CD96: variants seen among roughly 807,000 people sequenced by gnomAD.
The protein encoded by CD96 is T-cell surface protein tactile.
A neutral mutation model predicts 71.3 loss-of-function variants in CD96; 70 were observed. The observed-to-expected ratio is 0.98, with a 90% confidence interval of 0.81 to 1.20. The LOEUF (loss-of-function observed/expected upper bound fraction) is 1.20. Ranked by LOEUF, CD96 falls within the 50% of genes most tolerant of loss-of-function variation. The pLI is 0.00. For missense variants in CD96, 742 were observed against 677.5 expected (o/e 1.10, Z -1.06); for synonymous variants, 248 against 233.0 (o/e 1.06, Z -0.59).
At chr3:111,605,572 A>G (rs987930906) in intron 7 of CD96, among the ~76,000 whole-genome samples, 1 of 152,208 alleles carries the variant, frequency 6.6e-6, no homozygotes, top group Non-Finnish European at 1.5e-5. Context: ...TAACCTATTC[A>G]TATACTTCCC....
In CD96 at chr3:111,558,971, C is replaced by A. The variant is rs561429078; in HGVS notation, c.419-8552C>A. On this transcript the variant is annotated intron_variant, in intron 2 of 13. Coordinates refer to ENST00000352690, the MANE Select transcript of CD96 (RefSeq NM_005816.5). ...GTGTCAAGGAATTTATCCATTTCTT[C>A]TAGATTTTCCAGTTTATTTGCATAG... Among the ~76,000 whole-genome samples the A allele has an allele frequency of 2.2e-4, 34 of 152,274 alleles. 1 individual carries two copies. In the East Asian group the frequency reaches 5.2e-3, roughly 23 times the overall value.
At chr3:111,544,289 C>T (rs543787567) in intron 1 of CD96, among the ~76,000 whole-genome samples, 53 of 152,214 alleles carry the variant, frequency 3.5e-4, no homozygotes, top group Non-Finnish European at 5.7e-4. Flanking sequence ...GGACTACAGG[C>T]GTGCACCACC....
At chr3:111,658,360 G>A (rs1940281186) in intron 14 of CD96, among the ~76,000 whole-genome samples, 1 of 152,190 alleles carries the variant, frequency 6.6e-6, no homozygotes, top group Non-Finnish European at 1.5e-5. Flanking sequence ...GTCAGAGAGA[G>A]ACAGAGAGAG....
At position 111,576,640 on chromosome 3, in the gene CD96, G is replaced by A. The variant is rs1169568507; in HGVS notation, c.544-2387G>A. Among the ~76,000 whole-genome samples, 4 of 151,982 alleles carry A rather than the reference G, an allele frequency of 2.6e-5. No homozygotes were observed. In the East Asian group the frequency reaches 7.7e-4, roughly 29 times the overall value. On this transcript the variant is annotated intron_variant, in intron 3 of 13. Transcript: ENST00000352690. ...ATAACTCTTACTTTGTGTGATCTTT[G>A]ATCAAATTTTTAACCTCAATTTATT...
At chr3:111,664,683 G>A (rs948210875) in intron 14 of CD96, among the ~76,000 whole-genome samples, 1 of 152,052 alleles carries the variant, frequency 6.6e-6, no homozygotes, top group African/African-American at 2.4e-5. Flanking sequence ...CAAAAAAAAG[G>A]TATATTAAAA....
At chr3:111,619,987 AC>A (rs1938441003) in intron 8 of CD96, among the ~76,000 whole-genome samples, 1 of 152,128 alleles carries the variant, frequency 6.6e-6, no homozygotes, top group African/African-American at 2.4e-5. Flanking sequence ...TGGAAAAAAC[AC>A]CCCTGAGGGC....
chr3:111,572,669 G>A (rs1301514777), intron 3 of CD96, among the ~76,000 whole-genome samples: 1 of 152,140 alleles, frequency 6.6e-6, no homozygotes, highest in Non-Finnish European at 1.5e-5. Context: ...AAGGCCTTCT[G>A]CCCCAAGTGA....
intron 10 of CD96, among the ~76,000 whole-genome samples, chr3:111,629,206 G>T (rs572745411): frequency 6.6e-6 from 1 of 152,320 alleles, no homozygotes; most frequent in East Asian, 1.9e-4. Flanking sequence ...CCAATTAAAA[G>T]ACACAGAATG....
At chr3:111,574,956 T>C (rs1936158477) in intron 3 of CD96, among the ~76,000 whole-genome samples, 1 of 151,786 alleles carries the variant, frequency 6.6e-6, no homozygotes, top group Non-Finnish European at 1.5e-5. Flanking sequence ...GCTAACTTTT[T>C]TTTTTTTTTG....
At chr3:111,544,926 G>T in intron 1 of CD96, 120 bp from the exon 2 acceptor site, 1 of 813,890 alleles carries the variant, frequency 1.2e-6, no homozygotes, top group East Asian at 2.4e-5. Flanking sequence ...TATTCCTAAA[G>T]CAGCCAGGGA....
chr3:111,575,447 C>T (rs1936178741), intron 3 of CD96, among the ~76,000 whole-genome samples: 1 of 152,144 alleles, frequency 6.6e-6, no homozygotes, highest in Non-Finnish European at 1.5e-5. Flanking sequence ...GACCTTGCTA[C>T]ATTTATATTG....
chr3:111,609,060 T>C (rs1209039775), intron 8 of CD96, among the ~76,000 whole-genome samples: 1 of 151,814 alleles, frequency 6.6e-6, no homozygotes, highest in Non-Finnish European at 1.5e-5. Flanking sequence ...AGAGATGAAA[T>C]AACTTGACCT....
downstream of CD96, among the ~76,000 whole-genome samples, chr3:111,655,625 C>A (rs1482691050): frequency 6.6e-6 from 1 of 151,940 alleles, no homozygotes; most frequent in Non-Finnish European, 1.5e-5. Flanking sequence ...AGGGTTATAC[C>A]AAGAATGTAA....
At chr3:111,657,641 T>G (rs958184568) in intron 14 of CD96, among the ~76,000 whole-genome samples, 1 of 152,156 alleles carries the variant, frequency 6.6e-6, no homozygotes, top group African/African-American at 2.4e-5. Flanking sequence ...GTGTTGTCAT[T>G]GGGTGCCCAG....
chr3:111,587,105 C>G (rs1397743365), intron 5 of CD96, among the ~76,000 whole-genome samples: 1 of 152,008 alleles, frequency 6.6e-6, no homozygotes, highest in Admixed American at 6.6e-5. Flanking sequence ...TTGGCCAAAA[C>G]AAGTCTGAAA....
intron 2 of CD96, among the ~76,000 whole-genome samples, chr3:111,546,730 T>C (rs1442357694): frequency 6.6e-6 from 1 of 152,062 alleles, no homozygotes; most frequent in Non-Finnish European, 1.5e-5. Flanking sequence ...CATAGAGCTG[T>C]CCAGAACAAG....
At chr3:111,652,633 G>A (rs181372038), downstream of CD96, among the ~76,000 whole-genome samples, 20 of 152,202 alleles carry the variant, frequency 1.3e-4, no homozygotes, top group East Asian at 3.5e-3. Context: ...GTTCTGGTCA[G>A]CATTTGCACA....
intron 5 of CD96, 81 bp from the exon 6 acceptor site, chr3:111,598,039 C>CTTATG (rs3215207): frequency 0.21 from 160,936 of 757,560 alleles, 20,064 homozygotes; most frequent in African/African-American, 0.49. Flanking sequence ...TTTTTGCCAA[C>CTTATG]TTATATGAAT....
intron 13 of CD96, among the ~76,000 whole-genome samples, chr3:111,649,334 G>A (rs565073321): frequency 6.6e-6 from 1 of 152,248 alleles, no homozygotes; most frequent in South Asian, 2.1e-4. Context: ...TCTGTAGAAT[G>A]GTGATGCATT....
Sources: allele counts gnomAD v4.1 joint callset (sites outside exome capture counted in the v4.1 genomes callset), GRCh38; gene constraint gnomAD v4.1.1; transcripts MANE v1.5; gene names NCBI Gene and HGNC (gene_info 2026-07-23, HGNC 2026-07-21).